PRDM5: variants seen among roughly 807,000 people sequenced by gnomAD.
PRDM5 encodes PR domain zinc finger protein 5.
PRDM5 carries 56 observed loss-of-function variants against 81.2 expected under a neutral mutation model. The ratio of observed to expected loss-of-function variants is 0.69; its 90% CI spans 0.56 to 0.86. The LOEUF is 0.86. Ranked by LOEUF, PRDM5 falls within the 40% of genes least tolerant of loss-of-function variation. The probability of loss-of-function intolerance (pLI) is 0.00; values close to 1 mark genes in which losing one functional copy is unlikely to be tolerated. For synonymous variants in PRDM5, 267 were observed against 256.4 expected (o/e 1.04, Z -0.39); for missense variants, 697 against 770.1 (o/e 0.91, Z 1.12).
intron 13 of PRDM5, among the ~76,000 whole-genome samples, chr4:120,773,478 A>T (rs909270263): frequency 2.6e-5 from 4 of 152,190 alleles, no homozygotes; most frequent in African/African-American, 9.7e-5. Context: ...AACATAAAAG[A>T]TCTGCATAAC....
At chr4:120,922,271 C>T (rs1227456158) in intron 1 of PRDM5, among the ~76,000 whole-genome samples, 4 of 152,110 alleles carry the variant, frequency 2.6e-5, no homozygotes, top group South Asian at 2.1e-4. Flanking sequence ...GCCCCTGGAC[C>T]GGCCGGCAGC....
intron 3 of PRDM5, among the ~76,000 whole-genome samples, chr4:120,852,803 C>CT (rs11383705): frequency 0.82 from 113,626 of 138,762 alleles, 46,733 homozygotes; most frequent in East Asian, 0.92. Flanking sequence ...TATATCCTTT[C>CT]TTTTTTTTTT....
intron 1 of PRDM5, among the ~76,000 whole-genome samples, chr4:120,920,357 A>C (rs1044655431): frequency 6.6e-6 from 1 of 152,238 alleles, no homozygotes; most frequent in Non-Finnish European, 1.5e-5. Flanking sequence ...ATTTGTTTAG[A>C]ATAGAGAGCA....
intron 2 of PRDM5, among the ~76,000 whole-genome samples, chr4:120,854,735 G>A (rs1302498561): frequency 6.6e-6 from 1 of 152,032 alleles, no homozygotes; most frequent in Admixed American, 6.6e-5. Flanking sequence ...CAGAGCAGGA[G>A]AAAATAGAGT....
chr4:120,817,094 AGT>A (rs1205241009), intron 5 of PRDM5, among the ~76,000 whole-genome samples, 170 bp from the exon 6 acceptor site: 2 of 152,190 alleles, frequency 1.3e-5, no homozygotes, highest in Non-Finnish European at 2.9e-5. Flanking sequence ...CTTGCTCAGC[AGT>A]GTCTTTTGTA....
intron 5 of PRDM5, among the ~76,000 whole-genome samples, chr4:120,817,304 T>A (rs1000706654): frequency 7.9e-5 from 12 of 152,214 alleles, no homozygotes; most frequent in Non-Finnish European, 1.6e-4. Flanking sequence ...TCAATTTTTA[T>A]AAGCAAAAGT....
Position 120,882,707 on chromosome 4 carries a change from T to A in PRDM5, c.177+24767A>T, listed in dbSNP as rs542898105. 8.5e-5 allele frequency among the ~76,000 whole-genome samples: 13 copies of A among 152,250 alleles called. No individual in the cohort carries two copies. The South Asian group carries it at 1.7e-3, about 19-fold the overall frequency. On this transcript the variant is annotated intron_variant, in intron 2 of 15. Transcript: ENST00000264808. ...AGGTATTATTGGAAATCATGTTGTCTGTATGAAATATTCAAATGAACACAT... is the reference window on the plus strand; with the variant it reads ...AGGTATTATTGGAAATCATGTTGTCAGTATGAAATATTCAAATGAACACAT...
chr4:120,713,173 C>G (rs1737250505), intron 14 of PRDM5, among the ~76,000 whole-genome samples: 1 of 152,020 alleles, frequency 6.6e-6, no homozygotes, highest in South Asian at 2.1e-4. Context: ...AAAATAGAAC[C>G]TTTTATCATT....
rs919609751 is a variant in PRDM5, at chr4:120,831,617, TA to T, written c.301-10273del. On this transcript the variant is annotated intron_variant, in intron 3 of 15. Coordinates refer to ENST00000264808, the MANE Select transcript of PRDM5 (RefSeq NM_018699.4). ...CAAATTATATGAGGCAAAACAATTA[TA>T]AAAGGGGAAAATCACAACTCTAGAA... is the stretch of plus-strand genomic sequence containing the variant. Among the ~76,000 whole-genome samples, 63 of 151,988 alleles carry T rather than the reference TA, an allele frequency of 4.1e-4. 2 individuals are homozygous for T. Among genetic ancestry groups the T allele is most frequent in the Non-Finnish European group, 2.2e-4 (15 of 67,974 alleles).
chr4:120,900,634 A>T (rs964518213), intron 2 of PRDM5, among the ~76,000 whole-genome samples: 10 of 152,160 alleles, frequency 6.6e-5, no homozygotes, highest in African/African-American at 2.4e-4. Context: ...ATATATTTTA[A>T]CTGATAAATG....
chr4:120,836,327 A>G (rs1757349511), intron 3 of PRDM5, among the ~76,000 whole-genome samples: 1 of 152,192 alleles, frequency 6.6e-6, no homozygotes, highest in Non-Finnish European at 1.5e-5. Flanking sequence ...TATTCCAAAA[A>G]ATAGAAAAAT....
chr4:120,689,924 T>G (rs2148977531), downstream of PRDM5, among the ~76,000 whole-genome samples: 1 of 152,254 alleles, frequency 6.6e-6, no homozygotes, highest in Non-Finnish European at 1.5e-5. Flanking sequence ...CTCAAAATTC[T>G]TAATTACTAC....
At chr4:120,829,472 T>C (rs1201566417) in intron 3 of PRDM5, among the ~76,000 whole-genome samples, 1 of 152,084 alleles carries the variant, frequency 6.6e-6, no homozygotes, top group Non-Finnish European at 1.5e-5. Context: ...GATAAATCTA[T>C]CCTAATGAAC....
At chr4:120,771,342 G>A (rs577054936) in intron 13 of PRDM5, among the ~76,000 whole-genome samples, 46 of 152,194 alleles carry the variant, frequency 3.0e-4, no homozygotes, top group South Asian at 8.3e-4. Context: ...TTTATTAAGC[G>A]TATTTTGGAG....
chr4:120,709,656 C>A (rs769665481), intron 15 of PRDM5, among the ~76,000 whole-genome samples: 4 of 152,182 alleles, frequency 2.6e-5, no homozygotes, highest in African/African-American at 4.8e-5. Flanking sequence ...GATTCCCTAA[C>A]ATCTGTGTCA....
intron 14 of PRDM5, among the ~76,000 whole-genome samples, chr4:120,744,575 G>A (rs1429042868): frequency 2.6e-5 from 4 of 152,088 alleles, no homozygotes; most frequent in Middle Eastern, 3.4e-3. Flanking sequence ...TCAAATAGAC[G>A]CAAGAAAAAA....
At chr4:120,745,049 C>T (rs1292359311) in intron 14 of PRDM5, among the ~76,000 whole-genome samples, 3 of 147,098 alleles carry the variant, frequency 2.0e-5, no homozygotes, top group South Asian at 2.2e-4. Flanking sequence ...ACTGGCAAAC[C>T]GAATCCAGCA....
At chr4:120,917,591 T>C (rs1339924981) in intron 1 of PRDM5, among the ~76,000 whole-genome samples, 1 of 150,824 alleles carries the variant, frequency 6.6e-6, no homozygotes, top group East Asian at 2.0e-4. Flanking sequence ...GCATATAGAG[T>C]GATAAAGATT....
At chr4:120,770,705 C>A (rs1306290764) in intron 13 of PRDM5, among the ~76,000 whole-genome samples, 1 of 152,040 alleles carries the variant, frequency 6.6e-6, no homozygotes, top group African/African-American at 2.4e-5. Context: ...TCTTTTTTAA[C>A]ATGTATTTTT....
Sources: allele counts gnomAD v4.1 joint callset (sites outside exome capture counted in the v4.1 genomes callset), GRCh38; gene constraint gnomAD v4.1.1; transcripts MANE v1.5; gene names NCBI Gene and HGNC (gene_info 2026-07-23, HGNC 2026-07-21).